Variants in PCNX1 observed in about 807,000 individuals in gnomAD.
PCNX1 encodes the protein pecanex-like protein 1.
Under a neutral mutation model 242.2 loss-of-function variants are expected in PCNX1, and 78 were observed. The ratio of observed to expected loss-of-function variants is 0.32; its 90% confidence interval spans 0.27 to 0.39. PCNX1 has a LOEUF of 0.39. PCNX1 is among the 10% of genes least tolerant of loss of function. The pLI is 1.00. For missense variants in PCNX1, 2,581 were observed against 2,856.5 expected (o/e 0.90, Z 2.20); for synonymous variants, 1,024 against 1,032.9 (o/e 0.99, Z 0.17).
intron 6 of PCNX1, among the ~76,000 whole-genome samples, chr14:70,985,609 C>A (rs1026369605): frequency 1.3e-5 from 2 of 152,176 alleles, no homozygotes; most frequent in Admixed American, 6.5e-5. Context: ...AGAAAAAATA[C>A]ATTTCAAAAT....
chr14:70,910,352 C>T (rs919103740), intron 1 of PCNX1, among the ~76,000 whole-genome samples: 2 of 151,032 alleles, frequency 1.3e-5, no homozygotes, highest in East Asian at 3.9e-4. Context: ...CTTTATTCTC[C>T]ACACAGACGC....
At position 71,105,309 on chromosome 14, in the gene PCNX1, C is replaced by T. The variant is rs868479880; in HGVS notation, c.6170C>T (p.Ser2057Phe). 1.2e-6 allele frequency: 2 copies of T among 1,613,870 alleles called. No homozygotes were observed. Among genetic ancestry groups the T allele is most frequent in the Non-Finnish European group, 1.7e-6 (2 of 1,179,764 alleles). Residue 2057 changes from serine (S) to phenylalanine (F), a missense_variant, in exon 33 of 36, where the codon TCC becomes TTC. Physicochemically the swap from Ser to Phe is radical, Grantham distance 155. Transcript: ENST00000304743. ...GATTCTGATACTGGAGGTGGGACTT[C>T]CTGCACTGGTAACAATGCAACAACT... Reference protein sequence around the residue: ...IEDSDTGGGTSCTGNNATTAN... With the variant: ...IEDSDTGGGTFCTGNNATTAN...
chr14:70,908,312 G>A (rs2055660661), intron 1 of PCNX1, among the ~76,000 whole-genome samples: 1 of 152,074 alleles, frequency 6.6e-6, no homozygotes, highest in Non-Finnish European at 1.5e-5. Flanking sequence ...GGCCGTCCCC[G>A]CCGGGGCCCC....
At chr14:71,057,453 G>C in intron 25 of PCNX1, 56 bp from the exon 26 acceptor site, 1 of 1,088,600 alleles carries the variant, frequency 9.2e-7, no homozygotes, top group Middle Eastern at 2.3e-4. Flanking sequence ...TAACAATCTT[G>C]TTTGTCAAGA....
chr14:70,959,491 G>A (rs1409110767), intron 2 of PCNX1, among the ~76,000 whole-genome samples: 1 of 149,124 alleles, frequency 6.7e-6, no homozygotes, highest in Non-Finnish European at 1.5e-5. Context: ...TTGGTTTTTT[G>A]TTCTTGCGAT....
At chr14:71,024,793 A>G (rs927917163) in intron 13 of PCNX1, among the ~76,000 whole-genome samples, 14 of 152,282 alleles carry the variant, frequency 9.2e-5, no homozygotes, top group African/African-American at 3.1e-4. Flanking sequence ...CTCTACCTAC[A>G]AGATGCTGGT....
At chr14:71,077,936 C>G (rs940981035) in intron 28 of PCNX1, among the ~76,000 whole-genome samples, 1 of 152,092 alleles carries the variant, frequency 6.6e-6, no homozygotes, top group Non-Finnish European at 1.5e-5. Flanking sequence ...GCTAGGAGTT[C>G]ACAGTCTACC....
intron 26 of PCNX1, among the ~76,000 whole-genome samples, chr14:71,062,513 T>A (rs758344771): frequency 3.2e-4 from 48 of 151,864 alleles, no homozygotes; most frequent in Non-Finnish European, 5.0e-4. Flanking sequence ...AAAAAAATTT[T>A]AAAAAAGCTT....
At chr14:71,062,605 CA>C (rs1159543345) in intron 26 of PCNX1, among the ~76,000 whole-genome samples, 1 of 151,664 alleles carries the variant, frequency 6.6e-6, no homozygotes, top group Non-Finnish European at 1.5e-5. Flanking sequence ...ACAAAGGAGT[CA>C]AAAAGTTTAA....
Position 71,088,347 on chromosome 14 carries a change from A to G in PCNX1, c.5355A>G (p.Lys1785=). 1 of 1,608,442 alleles carries G rather than the reference A, an allele frequency of 6.2e-7. No individual in the cohort carries two copies. Among genetic ancestry groups the G allele is most frequent in the South Asian group, 1.1e-5 (1 of 90,664 alleles). Residue 1785 remains lysine (K), a synonymous_variant, in exon 29 of 36, where the codon AAA becomes AAG. Transcript: ENST00000304743. ...SRRAKPVDVD[K]DSSLVTLCYG... ...TTTTAAAGCCTGTGGATGTGGACAAAGATTCATCCCTAGTGACTCTCTGTT... is the reference window on the plus strand; with the variant it reads ...TTTTAAAGCCTGTGGATGTGGACAAGGATTCATCCCTAGTGACTCTCTGTT...
At chr14:70,995,245 G>C (rs2059313396) in intron 7 of PCNX1, among the ~76,000 whole-genome samples, 1 of 152,084 alleles carries the variant, frequency 6.6e-6, no homozygotes, top group Non-Finnish European at 1.5e-5. Context: ...GGTTGCATTT[G>C]ATAAGATTAT....
chr14:70,978,659 T>C lies in PCNX1; in HGVS notation c.2311+11T>C, dbSNP rs766690890. 2.8e-5 allele frequency: 45 copies of C among 1,592,644 alleles called. 1 individual carries two copies. The South Asian group carries it at 4.8e-4, about 17-fold the overall frequency. On this transcript the variant is annotated intron_variant, in intron 6 of 35. Transcript: ENST00000304743. Reference sequence around the variant, plus strand: ...ATGCAGTCAGTGGAGGTAAGTAAACTGTAAGAAGAGATTTCTGTAAGACTC... The same window carrying C: ...ATGCAGTCAGTGGAGGTAAGTAAACCGTAAGAAGAGATTTCTGTAAGACTC...
chr14:70,996,381 T>C (rs1392623437), intron 8 of PCNX1, among the ~76,000 whole-genome samples: 1 of 152,214 alleles, frequency 6.6e-6, no homozygotes, highest in Non-Finnish European at 1.5e-5. Context: ...GTTCGTCATC[T>C]GTAGTAGGTT....
chr14:71,070,569 G>A (rs559316909), intron 26 of PCNX1, among the ~76,000 whole-genome samples: 1 of 152,316 alleles, frequency 6.6e-6, no homozygotes, highest in South Asian at 2.1e-4. Flanking sequence ...GAGTTCTTGG[G>A]TGATCAGGTG....
intron 6 of PCNX1, among the ~76,000 whole-genome samples, chr14:70,980,331 A>G (rs1030374717): frequency 6.2e-4 from 94 of 151,254 alleles, no homozygotes; most frequent in African/African-American, 2.2e-3. Flanking sequence ...TTGTTTTTCT[A>G]GGCTCTAGCT....
At chr14:71,023,126 C>A in intron 12 of PCNX1, 74 bp from the exon 13 acceptor site, 2 of 1,034,174 alleles carry the variant, frequency 1.9e-6, no homozygotes, top group Non-Finnish European at 3.1e-6. Flanking sequence ...TCATTCATTT[C>A]AGGCATTTTG....
chr14:70,909,053 G>A (rs1328652885), intron 1 of PCNX1, among the ~76,000 whole-genome samples: 2 of 152,164 alleles, frequency 1.3e-5, no homozygotes, highest in African/African-American at 4.8e-5. Context: ...TAACTTTGAG[G>A]TTCTTTGTGG....
chr14:71,082,079 A>G (rs529783142), intron 28 of PCNX1, among the ~76,000 whole-genome samples: 1 of 152,266 alleles, frequency 6.6e-6, no homozygotes, highest in South Asian at 2.1e-4. Context: ...ATTGGTTTCA[A>G]AGCACTTATT....
At position 71,112,712 on chromosome 14, in the gene PCNX1, G is replaced by A. The variant is rs878964521; in HGVS notation, c.*2777G>A. On this transcript the variant is annotated 3_prime_UTR_variant, in exon 36 of 36. Transcript: ENST00000304743. ...GTACAAGACTTCAGCATACATTAAT[G>A]TCTTTAGTTTATAAATTTGCCAATG... 6.6e-6 allele frequency: 1 copy of A among 151,958 alleles called. No homozygotes were observed. The highest frequency in any genetic ancestry group is 6.6e-5 in the Admixed American group (1 of 15,260). 9.4% of individuals were successfully genotyped at this position (151,958 alleles called of 1,614,324 possible).
Sources: allele counts gnomAD v4.1 joint callset (sites outside exome capture counted in the v4.1 genomes callset), GRCh38; gene constraint gnomAD v4.1.1; transcripts MANE v1.5; gene names NCBI Gene and HGNC (gene_info 2026-07-23, HGNC 2026-07-21).